Variants in ADAMTS9 observed in about 807,000 individuals in gnomAD.
ADAMTS9 encodes the protein A disintegrin and metalloproteinase with thrombospondin motifs 9.
ADAMTS9 carries 107 observed loss-of-function variants against 257.1 expected under a neutral mutation model. The ratio of observed to expected loss-of-function variants is 0.42; its 90% CI spans 0.36 to 0.49. ADAMTS9 has a LOEUF of 0.49. ADAMTS9 is among the 20% of genes least tolerant of loss of function. The pLI, the probability that ADAMTS9 is intolerant of heterozygous loss-of-function variation, is 0.03. For synonymous variants in ADAMTS9, 982 were observed against 880.9 expected, an observed-to-expected ratio of 1.11 and a Z score of -2.03; for missense variants, 2,353 against 2,469.1, an observed-to-expected ratio of 0.95 and a Z score of 1.00.
At chr3:64,606,086 G>A (rs1312811496) in intron 23 of ADAMTS9, among the ~76,000 whole-genome samples, 1 of 152,146 alleles carries the variant, frequency 6.6e-6, no homozygotes, top group Non-Finnish European at 1.5e-5. Flanking sequence ...AAGATGTATG[G>A]CCAGAACTTG....
intron 19 of ADAMTS9, among the ~76,000 whole-genome samples, 176 bp from the exon 20 acceptor site, chr3:64,616,346 G>A (rs1553709834): frequency 6.6e-6 from 1 of 152,174 alleles, no homozygotes; most frequent in Non-Finnish European, 1.5e-5. Flanking sequence ...ATATCCATGT[G>A]TTTTTCATGG....
chr3:64,646,710 A>C (rs923302041), intron 11 of ADAMTS9, among the ~76,000 whole-genome samples: 2 of 152,186 alleles, frequency 1.3e-5, no homozygotes, highest in Non-Finnish European at 2.9e-5. Context: ...AAACTTTCAT[A>C]TCCTCAGGAT....
intron 16 of ADAMTS9, among the ~76,000 whole-genome samples, chr3:64,624,647 T>A (rs943018171): frequency 6.6e-6 from 1 of 152,216 alleles, no homozygotes; most frequent in African/African-American, 2.4e-5. Flanking sequence ...ATCCAGACTT[T>A]CAGTCAAGAA....
At chr3:64,649,607 T>A in intron 10 of ADAMTS9, 30 bp downstream of exon 10, 1 of 1,578,068 alleles carries the variant, frequency 6.3e-7, no homozygotes, top group Non-Finnish European at 8.6e-7. Flanking sequence ...AATCAGTAGA[T>A]GAGGGCAGAA....
intron 22 of ADAMTS9, 95 bp from the exon 23 acceptor site, chr3:64,607,174 T>A (rs1020950709): frequency 6.5e-7 from 1 of 1,535,886 alleles, no homozygotes; most frequent in Admixed American, 1.8e-5. Flanking sequence ...AATACTTCCA[T>A]CACAGTAGGC....
Position 64,596,834 on chromosome 3 carries a change from C to T in ADAMTS9, c.4175G>A (p.Gly1392Glu), listed in dbSNP as rs2084373742. ...PCPQWAYGNW[G>E]ECTKLCGGGI... Reference sequence around the variant, plus strand: ...AGACGGATAGTTCACTCTCACCTCTCCCCAGTTGCCATAAGCCCACTGAGG... The same window carrying T: ...AGACGGATAGTTCACTCTCACCTCTTCCCAGTTGCCATAAGCCCACTGAGG... The change falls in exon 27 of 40, where the codon GGA becomes GAA. Residue 1392 changes from glycine to glutamate, a missense_variant. Physicochemically the swap from Gly to Glu is moderately conservative, Grantham distance 98 (BLOSUM62 -2). Coordinates refer to ENST00000498707, the MANE Select transcript of ADAMTS9 (RefSeq NM_182920.2). 3 of 1,613,812 alleles carry T rather than the reference C, an allele frequency of 1.9e-6. No homozygotes were observed. Among genetic ancestry groups the T allele is most frequent in the Admixed American group, 1.7e-5 (1 of 59,994 alleles).
chr3:64,620,095 T>C (rs1251962926), intron 19 of ADAMTS9, among the ~76,000 whole-genome samples: 2 of 152,066 alleles, frequency 1.3e-5, no homozygotes, highest in East Asian at 1.9e-4. Flanking sequence ...AGAAAGTCAG[T>C]GACACTGGGT....
chr3:64,549,584 A>ACACT (rs2083244452), intron 31 of ADAMTS9, among the ~76,000 whole-genome samples: 1 of 152,074 alleles, frequency 6.6e-6, no homozygotes, highest in African/African-American at 2.4e-5. Context: ...ATGCGGTACT[A>ACACT]CTCAGGGCAT....
rs1344090645 is a variant in ADAMTS9, at chr3:64,651,291, C to T, written c.1317-128G>A. The T allele has an allele frequency of 4.6e-5, 31 of 667,974 alleles. No individual in the cohort carries two copies. In the East Asian group the frequency reaches 7.5e-4, roughly 16 times the overall value. The allele number at this position is 667,974 out of a possible 1,614,324, so 41.4% of individuals were successfully genotyped here. On this transcript the variant is annotated intron_variant, in intron 8 of 39. Transcript: ENST00000498707. ...TTCATTTTGGATAAGAACCTGAACC[C>T]TGGTAAGCAGAATAAAATGTAAGAC...
Position 64,607,027 on chromosome 3 carries a change from A to C in ADAMTS9, c.3407T>G (p.Ile1136Ser). ...GYQLRAVKCI[I>S]GTYMSVVDDN... ...ATCTACCACTGACATATAAGTCCCA[A>C]TGATGCATTTCACTGCTCTTAGCTG... The change falls in exon 23 of 40, where the codon ATT becomes AGT. Residue 1136 changes from isoleucine to serine, a missense_variant. This residue lies in a region of ADAMTS9 where 1,402 missense variants were observed against 1,441.4 expected (regional missense o/e 0.97). Coordinates refer to ENST00000498707, the MANE Select transcript of ADAMTS9 (RefSeq NM_182920.2). 6.2e-7 allele frequency: 1 copy of C among 1,613,954 alleles called. No homozygotes were observed. The highest frequency in any genetic ancestry group is 8.5e-7 in the Non-Finnish European group (1 of 1,179,848).
rs369063444 is a variant in ADAMTS9, at chr3:64,541,595, C to A, written c.5223G>T (p.Glu1741Asp). 2.5e-6 allele frequency: 4 copies of A among 1,613,876 alleles called. No homozygotes were observed. Among genetic ancestry groups the A allele is most frequent in the Non-Finnish European group, 3.4e-6 (4 of 1,179,984 alleles). ...YNCELPQNCK[E>D]VKRLKGASED... The stretch of plus-strand genomic sequence containing the variant: ...CACTGGCACCTTTAAGTCTTTTTAC[C>A]TCCTTGCAATTCTGGGGTAACTCAC... The change falls in exon 34 of 40, where the codon GAG (glutamate) becomes GAT (aspartate). Residue 1741 changes from glutamate to aspartate, a missense_variant. Physicochemically the swap from Glu to Asp is conservative, Grantham distance 45. Coordinates refer to ENST00000498707, the MANE Select transcript of ADAMTS9 (RefSeq NM_182920.2).
At chr3:64,604,397 C>A in intron 23 of ADAMTS9, 66 bp from the exon 24 acceptor site, 1 of 1,166,750 alleles carries the variant, frequency 8.6e-7, no homozygotes, top group South Asian at 1.6e-5. Flanking sequence ...AGGTAATGGT[C>A]ATGGTGGATA....
intron 16 of ADAMTS9, among the ~76,000 whole-genome samples, chr3:64,628,424 C>A (rs1347529739): frequency 6.6e-6 from 1 of 152,144 alleles, no homozygotes; most frequent in Non-Finnish European, 1.5e-5. Flanking sequence ...GCCTTCAGGT[C>A]TCAGGAAATT....
At chr3:64,628,918 G>A (rs747537230) in intron 16 of ADAMTS9, among the ~76,000 whole-genome samples, 45 of 152,246 alleles carry the variant, frequency 3.0e-4, no homozygotes, top group East Asian at 7.7e-4. Context: ...ACTAGTGGTC[G>A]TATAATAAAT....
intron 28 of ADAMTS9, among the ~76,000 whole-genome samples, chr3:64,586,563 G>C (rs1050894044): frequency 1.3e-5 from 2 of 152,078 alleles, no homozygotes; most frequent in African/African-American, 4.8e-5. Flanking sequence ...TGCCCTAAAC[G>C]GGGGGAAAAC....
intron 28 of ADAMTS9, among the ~76,000 whole-genome samples, chr3:64,590,934 T>C (rs1032020356): frequency 2.0e-5 from 3 of 152,174 alleles, no homozygotes; most frequent in East Asian, 1.9e-4. Context: ...CTTGGATACA[T>C]GGTATCACCT....
chr3:64,619,312 T>C (rs34120167), intron 19 of ADAMTS9, among the ~76,000 whole-genome samples: 31,036 of 151,958 alleles, frequency 0.2, 3,924 homozygotes, highest in Non-Finnish European at 0.27. Context: ...GCAAAAAAAC[T>C]CATGGGAATT....
chr3:64,681,242 T>C lies in ADAMTS9; in HGVS notation c.638A>G (p.Gln213Arg). ...ATGCCTTCCTGTTGAGGGCTCTCTC[T>C]GGGGGGCGCTGCGCCTATAAATGAT... ...PHIIYRRSAPQREPSTGRHAC... is the reference protein window; with the variant it reads ...PHIIYRRSAPRREPSTGRHAC... Residue 213 changes from glutamine to arginine, a missense_variant, in exon 3 of 40, where the codon CAG becomes CGG. By Grantham distance (43) the Gln-to-Arg change is conservative. Around this residue, in one of 3 missense-constraint regions of ADAMTS9, gnomAD observed 591 missense variants for 569.6 expected, o/e 1.04. Coordinates refer to ENST00000498707, the MANE Select transcript of ADAMTS9 (RefSeq NM_182920.2). 1.2e-6 allele frequency: 2 copies of C among 1,613,930 alleles called. No homozygotes were observed. Among genetic ancestry groups the C allele is most frequent in the African/African-American group, 1.3e-5 (1 of 74,992 alleles).
At chr3:64,555,491 G>T (rs2083322029) in intron 30 of ADAMTS9, among the ~76,000 whole-genome samples, 1 of 152,152 alleles carries the variant, frequency 6.6e-6, no homozygotes, top group Non-Finnish European at 1.5e-5. Flanking sequence ...GACACCCAGG[G>T]TGGCAGCTAT....
Sources: gnomAD v4.1 joint callset for allele counts (sites outside exome capture counted in the v4.1 genomes callset) on GRCh38, gnomAD v4.1.1 for gene constraint, gnomAD v4.1.1 regional missense constraint, MANE v1.5 for transcripts, NCBI Gene and HGNC (gene_info 2026-07-23, HGNC 2026-07-21) for gene names.